The following ARMH4 variants were observed in gnomAD, a reference collection of about 807,000 sequenced individuals.
ARMH4 encodes armadillo like helical domain containing 4.
A neutral mutation model predicts 61.9 loss-of-function variants in ARMH4; 49 were observed. That is an observed-to-expected ratio of 0.79 (90% CI 0.63 to 1.00). ARMH4 has a LOEUF of 1.00. ARMH4 is among the 50% of genes least tolerant of loss of function. ARMH4 has a pLI of 0.00. For synonymous variants in ARMH4, 368 were observed against 341.5 expected (o/e 1.08, Z -0.85); for missense variants, 934 against 930.0 (o/e 1.00, Z -0.06).
chr14:58,140,003 C>A (rs1390079190), intron 1 of ARMH4, among the ~76,000 whole-genome samples: 5 of 152,140 alleles, frequency 3.3e-5, no homozygotes, highest in Non-Finnish European at 1.5e-5. Context: ...GGCACAGTGG[C>A]TCACACCTGT....
At position 58,139,366 on chromosome 14, in the gene ARMH4, G is replaced by A; in HGVS notation, c.-8C>T. ...TACAATCGGTCCTCTCATAGTGGAA[G>A]AGAAATGGCACGTACACTGGCAGAG... On this transcript the variant is annotated 5_prime_UTR_variant, in exon 2 of 8. Transcript: ENST00000267485. The A allele has an allele frequency of 2.5e-6, 4 of 1,613,244 alleles. No individual in the cohort carries two copies. In the South Asian group the frequency reaches 4.4e-5, roughly 18 times the overall value.
intron 2 of ARMH4, among the ~76,000 whole-genome samples, chr14:58,135,926 A>G (rs963131031): frequency 2.4e-4 from 36 of 152,050 alleles, no homozygotes; most frequent in African/African-American, 8.2e-4. Flanking sequence ...AATCTTTCCC[A>G]TTCCTTTTAA....
At chr14:58,025,092 G>C (rs1882979238) in intron 5 of ARMH4, among the ~76,000 whole-genome samples, 1 of 152,130 alleles carries the variant, frequency 6.6e-6, no homozygotes, top group African/African-American at 2.4e-5. Flanking sequence ...GTTGAGTGCA[G>C]GTTGCCACGA....
At chr14:58,012,302 A>G in intron 5 of ARMH4, 152 bp from the exon 6 acceptor site, 1 of 464,996 alleles carries the variant, frequency 2.2e-6, no homozygotes, top group Admixed American at 4.4e-5. Context: ...CCTTATTTTT[A>G]TTTCTACTTA....
Position 58,096,719 on chromosome 14 carries a change from C to G in ARMH4, c.2089+5G>C. 1 of 1,613,180 alleles carries G rather than the reference C, an allele frequency of 6.2e-7. No homozygotes were observed. Among genetic ancestry groups the G allele is most frequent in the South Asian group, 1.1e-5 (1 of 90,950 alleles). ...GAGGAAAAGGGAAATACACATGACT[C>G]TTACCCAGGCCTTGATTCTGCTGTT... is the stretch of plus-strand genomic sequence containing the variant. On this transcript the variant is annotated splice_donor_5th_base_variant and intron_variant, in intron 5 of 7. Coordinates refer to ENST00000267485, the MANE Select transcript of ARMH4 (RefSeq NM_001001872.4).
At chr14:58,009,019 C>T (rs1398364448) in intron 6 of ARMH4, among the ~76,000 whole-genome samples, 2 of 152,288 alleles carry the variant, frequency 1.3e-5, no homozygotes, top group East Asian at 3.9e-4. Flanking sequence ...ACAAGGATCA[C>T]CAACTTGGAT....
At chr14:58,149,745 T>C (rs1373193535) in intron 1 of ARMH4, among the ~76,000 whole-genome samples, 2 of 152,230 alleles carry the variant, frequency 1.3e-5, no homozygotes, top group Non-Finnish European at 2.9e-5. Context: ...AGTTTTCTTG[T>C]TGCAAAGTAG....
intron 5 of ARMH4, among the ~76,000 whole-genome samples, chr14:58,025,025 G>A (rs1033624916): frequency 6.6e-6 from 1 of 152,146 alleles, no homozygotes; most frequent in Admixed American, 6.5e-5. Flanking sequence ...TTACCAAAAT[G>A]TGACACAGGG....
rs538098282 is a variant in ARMH4, at chr14:58,150,580, G to A, written c.-57+1495C>T. On this transcript the variant is annotated intron_variant, in intron 1 of 7. Transcript: ENST00000267485. ...GGTCTGGCAGGAAACTCCGGAATAT[G>A]TAGTAAGAAGCCTCCCATGAAAACA... Among the ~76,000 whole-genome samples, 19 of 152,284 alleles carry A rather than the reference G, an allele frequency of 1.2e-4. No individual in the cohort carries two copies. In the East Asian group the frequency reaches 3.1e-3, roughly 25 times the overall value.
At chr14:58,050,503 G>A (rs1884101144) in intron 5 of ARMH4, among the ~76,000 whole-genome samples, 1 of 152,156 alleles carries the variant, frequency 6.6e-6, no homozygotes, top group Admixed American at 6.5e-5. Flanking sequence ...TGATCAAGGG[G>A]GAACACAAGG....
chr14:58,093,835 T>C (rs987734070), intron 5 of ARMH4, among the ~76,000 whole-genome samples: 5 of 152,208 alleles, frequency 3.3e-5, no homozygotes, highest in African/African-American at 1.2e-4. Flanking sequence ...TTCCTTGCTT[T>C]GGTTCCCAGG....
In ARMH4 at chr14:58,044,070, C is replaced by T. The variant is rs565736467; in HGVS notation, c.2090-31920G>A. ...TAATTTATAGATTCAATGCCATCCC[C>T]ATCAAGCTACCAATGACTTTCTTCA... is the stretch of plus-strand genomic sequence containing the variant. On this transcript the variant is annotated intron_variant, in intron 5 of 7. Coordinates refer to ENST00000267485, the MANE Select transcript of ARMH4 (RefSeq NM_001001872.4). 2.6e-5 allele frequency among the ~76,000 whole-genome samples: 4 copies of T among 152,286 alleles called. No homozygotes were observed. The East Asian group carries it at 7.7e-4, about 29-fold the overall frequency.
chr14:58,118,969 T>G (rs901757491), intron 4 of ARMH4, among the ~76,000 whole-genome samples: 8 of 152,338 alleles, frequency 5.3e-5, no homozygotes, highest in African/African-American at 7.2e-5. Context: ...AGAATCTCCT[T>G]CTGCTGCTAA....
At chr14:58,101,187 T>C (rs1166823740) in intron 4 of ARMH4, 1 of 152,360 alleles carries the variant, frequency 6.6e-6, no homozygotes, top group African/African-American at 2.4e-5. Flanking sequence ...CTGCAGTACA[T>C]CGGTCATGAG....
At chr14:58,099,803 G>T (rs1466237359) in intron 4 of ARMH4, among the ~76,000 whole-genome samples, 2 of 152,128 alleles carry the variant, frequency 1.3e-5, no homozygotes, top group East Asian at 3.9e-4. Context: ...GGGAGACATG[G>T]TATTATACAG....
At chr14:58,078,702 T>C (rs946464020) in intron 5 of ARMH4, among the ~76,000 whole-genome samples, 3 of 152,240 alleles carry the variant, frequency 2.0e-5, no homozygotes, top group African/African-American at 7.2e-5. Flanking sequence ...TCAATTCCAA[T>C]GTTGTGAGGT....
chr14:58,063,047 G>A (rs558711344), intron 5 of ARMH4, among the ~76,000 whole-genome samples: 1 of 152,286 alleles, frequency 6.6e-6, no homozygotes, highest in African/African-American at 2.4e-5. Context: ...GGTACTGGCA[G>A]GGCCATGATC....
chr14:58,064,062 T>C (rs1555339066), intron 5 of ARMH4, among the ~76,000 whole-genome samples: 1 of 152,158 alleles, frequency 6.6e-6, no homozygotes, highest in Non-Finnish European at 1.5e-5. Flanking sequence ...ATACTTACAA[T>C]ATCAACAATA....
chr14:58,129,585 C>CTTA (rs748098079), intron 4 of ARMH4, among the ~76,000 whole-genome samples: 2 of 152,214 alleles, frequency 1.3e-5, no homozygotes, highest in Non-Finnish European at 2.9e-5. Flanking sequence ...TCAAGCTGCA[C>CTTA]TTATATTCCC....
Sources: gnomAD v4.1 joint callset for allele counts (sites outside exome capture counted in the v4.1 genomes callset) on GRCh38, gnomAD v4.1.1 for gene constraint, MANE v1.5 for transcripts, NCBI Gene and HGNC (gene_info 2026-07-23, HGNC 2026-07-21) for gene names.